The following ACKR5 variants were observed in gnomAD, a reference collection of about 807,000 sequenced individuals.
The protein encoded by ACKR5 is atypical chemokine receptor 5.
chr12:56,996,597 C>G, the ACKR5 span: 1 of 611,054 alleles, frequency 1.6e-6, no homozygotes, highest in Non-Finnish European at 2.9e-6. Context: ...AGAGAGCAGG[C>G]CCTCAGTGTT....
chr12:56,996,402 C>T, the ACKR5 span: 1 of 1,589,888 alleles, frequency 6.3e-7, no homozygotes, highest in East Asian at 2.2e-5. Context: ...ATCTCTCCCA[C>T]TCAGCCTCTT....
the ACKR5 span, chr12:56,995,495 GC>G: frequency 6.2e-7 from 1 of 1,614,170 alleles, no homozygotes; most frequent in Non-Finnish European, 8.5e-7. This position sits in a 1 kb window ranked among gnomAD's most constrained non-coding sequence, Gnocchi z 4.7. Context: ...CCTCAACATG[GC>G]CATCGCGGAC....
At chr12:56,997,362 C>G in the ACKR5 span, 2,216 of 152,408 alleles carry the variant, frequency 0.015, 29 homozygotes, top group Middle Eastern at 0.037. Flanking sequence ...GTCCTTCACC[C>G]TCTGTCCCCG....
At chr12:56,995,937 G>T in the ACKR5 span, 10 of 1,612,408 alleles carry the variant, frequency 6.2e-6, no homozygotes, top group Non-Finnish European at 8.5e-6. This position sits in a 1 kb window ranked among gnomAD's most constrained non-coding sequence, Gnocchi z 4.7. Context: ...CTGACAGCCT[G>T]CCGGCTGCGG....
chr12:56,996,158 C>A, the ACKR5 span: 3 of 1,613,988 alleles, frequency 1.9e-6, no homozygotes, highest in East Asian at 4.5e-5. Context: ...TGTCATCAAC[C>A]CCATCCTTTA....
At chr12:56,996,094 C>A in the ACKR5 span, 6 of 1,613,604 alleles carry the variant, frequency 3.7e-6, no homozygotes, top group Non-Finnish European at 4.2e-6. Flanking sequence ...GCCACCTGGT[C>A]CACCTGCTCT....
chr12:56,995,791 G>A, the ACKR5 span: 2 of 1,614,144 alleles, frequency 1.2e-6, no homozygotes, highest in East Asian at 2.2e-5. This position sits in a 1 kb window ranked among gnomAD's most constrained non-coding sequence, Gnocchi z 4.7. Context: ...ACATCCAGCT[G>A]GTGGAGGGCC....
At chr12:56,996,116 GA>G in the ACKR5 span, 1 of 1,613,840 alleles carries the variant, frequency 6.2e-7, no homozygotes, top group South Asian at 1.1e-5. Flanking sequence ...CTTCTTCTAT[GA>G]TGTCATTGAC....
the ACKR5 span, chr12:56,995,374 C>G: frequency 6.2e-7 from 1 of 1,614,206 alleles, no homozygotes; most frequent in Non-Finnish European, 8.5e-7. This position sits in a 1 kb window ranked among gnomAD's most constrained non-coding sequence, Gnocchi z 4.7. Context: ...AGCGCGTGGT[C>G]CTCTTTGCCC....
the ACKR5 span, chr12:56,995,560 C>T: frequency 6.2e-7 from 1 of 1,613,974 alleles, no homozygotes; most frequent in African/African-American, 1.3e-5. The surrounding 1 kb of genome is among the most constrained non-coding windows in gnomAD (Gnocchi z 4.7). Flanking sequence ...CGCTGGACTA[C>T]ACCTGGCTCT....
At chr12:56,995,228 T>C in the ACKR5 span, 1 of 1,613,542 alleles carries the variant, frequency 6.2e-7, no homozygotes, top group Non-Finnish European at 8.5e-7. This position sits in a 1 kb window ranked among gnomAD's most constrained non-coding sequence, Gnocchi z 4.7. Context: ...GAAACCCAGC[T>C]GGGGGCCTGG....
At chr12:56,995,246 G>A in the ACKR5 span, 9 of 1,613,876 alleles carry the variant, frequency 5.6e-6, no homozygotes, top group Non-Finnish European at 7.6e-6. This position sits in a 1 kb window ranked among gnomAD's most constrained non-coding sequence, Gnocchi z 4.7. Flanking sequence ...TGGCCCCTCG[G>A]AGGGGGTCAC....
the ACKR5 span, chr12:56,995,740 C>G: frequency 1.2e-6 from 2 of 1,613,836 alleles, no homozygotes; most frequent in African/African-American, 1.3e-5. This position sits in a 1 kb window ranked among gnomAD's most constrained non-coding sequence, Gnocchi z 4.7. Flanking sequence ...GTGCAGGCAT[C>G]TGGGTCCTCT....
chr12:56,996,129 GCTT>G, the ACKR5 span: 1 of 1,613,962 alleles, frequency 6.2e-7, no homozygotes, highest in African/African-American at 1.3e-5. Context: ...GTCATTGACT[GCTT>G]CTCCATGCTG....
the ACKR5 span, chr12:56,995,950 G>C: frequency 4.3e-6 from 7 of 1,612,464 alleles, no homozygotes; most frequent in Non-Finnish European, 5.9e-6. The surrounding 1 kb of genome is among the most constrained non-coding windows in gnomAD (Gnocchi z 4.7). Context: ...GGCTGCGGCA[G>C]CCAGGACAAC....
chr12:56,998,061 A>G, the ACKR5 span: 1 of 152,238 alleles, frequency 6.6e-6, no homozygotes, highest in Non-Finnish European at 1.5e-5. Flanking sequence ...CACATTGAAA[A>G]AGACTTTCCT....
the ACKR5 span, chr12:56,996,137 A>G: frequency 6.2e-7 from 1 of 1,613,950 alleles, no homozygotes; most frequent in Non-Finnish European, 8.5e-7. Flanking sequence ...CTGCTTCTCC[A>G]TGCTGCACTG....
At chr12:56,996,973 G>A in the ACKR5 span, 1 of 152,800 alleles carries the variant, frequency 6.5e-6, no homozygotes, top group Non-Finnish European at 1.5e-5. Flanking sequence ...GATAAGTGAA[G>A]GCGGATGGGG....
the ACKR5 span, chr12:56,995,992 C>T: frequency 1.7e-5 from 27 of 1,610,444 alleles, no homozygotes; most frequent in Middle Eastern, 6.6e-4. This position sits in a 1 kb window ranked among gnomAD's most constrained non-coding sequence, Gnocchi z 4.7. Flanking sequence ...TGCTGCTGTG[C>T]GCCTACGTGG....
Sources: allele counts gnomAD v4.1 joint callset, GRCh38; gene constraint gnomAD v4.1.1; non-coding constraint Gnocchi (gnomAD v3.1); transcripts MANE v1.5; gene names NCBI Gene and HGNC (gene_info 2026-07-23, HGNC 2026-07-21).